The following PTPRO variants were observed in gnomAD, a reference collection of about 807,000 sequenced individuals.
PTPRO encodes the protein receptor-type tyrosine-protein phosphatase O.
Under a neutral mutation model 145.2 loss-of-function variants are expected in PTPRO, and 62 were observed. The observed-to-expected ratio is 0.43, with a 90% CI of 0.35 to 0.53. PTPRO has a LOEUF of 0.53. Ranked by LOEUF, PTPRO falls within the 20% of genes least tolerant of loss-of-function variation. The pLI, the probability that PTPRO is intolerant of heterozygous loss-of-function variation, is 0.01. For synonymous variants in PTPRO, 565 were observed against 514.7 expected (o/e 1.10, Z -1.32); for missense variants, 1,345 against 1,482.7 (o/e 0.91, Z 1.53).
intron 19 of PTPRO, among the ~76,000 whole-genome samples, chr12:15,570,322 G>GTTT (rs111336006): frequency 2.0e-4 from 29 of 146,238 alleles, no homozygotes; most frequent in African/African-American, 6.9e-4. Context: ...AAATTCTGTA[G>GTTT]TTTTTTTTTT....
At chr12:15,461,004 C>T (rs1801474163) in intron 1 of PTPRO, among the ~76,000 whole-genome samples, 1 of 152,144 alleles carries the variant, frequency 6.6e-6, no homozygotes, top group African/African-American at 2.4e-5. Context: ...ACTTGAGACA[C>T]CAGTTCTTGT....
intron 7 of PTPRO, among the ~76,000 whole-genome samples, chr12:15,513,177 G>GAA (rs1407695032): frequency 1.2e-5 from 1 of 84,732 alleles, no homozygotes; most frequent in African/African-American, 5.4e-5. Flanking sequence ...AAGAAAGAAA[G>GAA]AAAGAAAGAA....
At chr12:15,392,832 G>A (rs930903640) in intron 1 of PTPRO, among the ~76,000 whole-genome samples, 19 of 151,772 alleles carry the variant, frequency 1.3e-4, no homozygotes, top group Admixed American at 1.2e-3. Context: ...CATCCTGCTA[G>A]CACTGGGGTT....
At chr12:15,445,974 G>T (rs910998620) in intron 1 of PTPRO, among the ~76,000 whole-genome samples, 6 of 152,094 alleles carry the variant, frequency 3.9e-5, no homozygotes, top group Non-Finnish European at 7.4e-5. Context: ...TCATGAAATT[G>T]ACATTTGTAA....
At chr12:15,560,168 A>C (rs761349465) in intron 16 of PTPRO, 25 bp from the exon 17 acceptor site, 6 of 1,518,330 alleles carry the variant, frequency 4.0e-6, no homozygotes. Context: ...TCATCTTTCC[A>C]TCTGTTGTCT....
intron 1 of PTPRO, among the ~76,000 whole-genome samples, chr12:15,333,511 AT>A (rs1333114201): frequency 3.3e-5 from 5 of 152,218 alleles, no homozygotes; most frequent in Non-Finnish European, 7.3e-5. Context: ...TGAGTGTTGA[AT>A]AAATAAATGG....
intron 1 of PTPRO, among the ~76,000 whole-genome samples, chr12:15,364,580 G>T (rs538933875): frequency 6.6e-6 from 1 of 152,228 alleles, no homozygotes; most frequent in South Asian, 2.1e-4. Context: ...TAGTAAAGAT[G>T]TGCATTCCAC....
intron 23 of PTPRO, among the ~76,000 whole-genome samples, 159 bp from the exon 24 acceptor site, chr12:15,586,738 A>G (rs1014916397): frequency 6.6e-6 from 1 of 151,712 alleles, no homozygotes; most frequent in African/African-American, 2.4e-5. Flanking sequence ...TTCAATACCT[A>G]TTTTATGCCA....
chr12:15,556,880 C>T (rs1943641711), intron 15 of PTPRO, among the ~76,000 whole-genome samples: 1 of 151,992 alleles, frequency 6.6e-6, no homozygotes, highest in Non-Finnish European at 1.5e-5. Context: ...ATCATGAATG[C>T]CCTTTGGAAA....
At position 15,322,746 on chromosome 12, in the gene PTPRO, G is replaced by C; in HGVS notation, c.20G>C (p.Gly7Ala). Residue 7 changes from glycine (G) to alanine (A), a missense_variant, in exon 1 of 27, where the codon GGG (glycine) becomes GCG (alanine). Gly to Ala is a moderately conservative substitution (Grantham distance 60, BLOSUM62 0). Around this residue, in one of 3 missense-constraint regions of PTPRO, gnomAD observed 1,130 missense variants for 1,214.7 expected, o/e 0.93. Transcript: ENST00000281171. The surrounding 1 kb of genome is among the most constrained non-coding windows in gnomAD (Gnocchi z 6.3). MGHLPT[G>A]IHGARRLLPL... ...GCAGCGATGGGGCACCTGCCCACGGGGATACACGGCGCCCGCCGCCTCCTG... is the reference window on the plus strand; with the variant it reads ...GCAGCGATGGGGCACCTGCCCACGGCGATACACGGCGCCCGCCGCCTCCTG... The C allele has an allele frequency of 6.2e-7, 1 of 1,612,234 alleles. No homozygotes were observed. The highest frequency in any genetic ancestry group is 8.5e-7 in the Non-Finnish European group (1 of 1,179,400).
At chr12:15,423,593 T>G (rs757927046) in intron 1 of PTPRO, among the ~76,000 whole-genome samples, 48 of 152,204 alleles carry the variant, frequency 3.2e-4, no homozygotes, top group Non-Finnish European at 5.7e-4. Context: ...TACTAATTAC[T>G]TAAGCTTTAA....
intron 18 of PTPRO, among the ~76,000 whole-genome samples, chr12:15,567,107 A>G (rs1943919096): frequency 6.6e-6 from 1 of 152,190 alleles, no homozygotes; most frequent in African/African-American, 2.4e-5. Flanking sequence ...CAAGACCCAG[A>G]CAAAAGATAG....
chr12:15,516,748 C>CTA lies in PTPRO; in HGVS notation c.1586-15_1586-14insTA. The CTA allele has an allele frequency of 1.3e-6, 2 of 1,584,970 alleles. No homozygotes were observed. The highest frequency in any genetic ancestry group is 1.7e-6 in the Non-Finnish European group (2 of 1,153,600). ...CTTAACTTTCTTTTTCTACCCCCTG[C>CTA]CCTCTTCTTTCTAGTTCCCACAGGA... On this transcript the variant is annotated splice_polypyrimidine_tract_variant and intron_variant, in intron 8 of 26. Transcript: ENST00000281171.
chr12:15,372,614 C>G (rs900315199), intron 1 of PTPRO, among the ~76,000 whole-genome samples: 3 of 152,102 alleles, frequency 2.0e-5, no homozygotes, highest in African/African-American at 7.2e-5. Context: ...GATTGGAATG[C>G]AGCCAAAACA....
At chr12:15,377,255 C>T (rs1225941012) in intron 1 of PTPRO, among the ~76,000 whole-genome samples, 1 of 151,760 alleles carries the variant, frequency 6.6e-6, no homozygotes, top group East Asian at 1.9e-4. Context: ...CTACTGAATA[C>T]AAAAGAGAGT....
chr12:15,434,755 A>G (rs1195298106), intron 1 of PTPRO, among the ~76,000 whole-genome samples: 1 of 152,180 alleles, frequency 6.6e-6, no homozygotes. Flanking sequence ...AATTTAAAAG[A>G]GCTGTTGAAT....
At position 15,322,743 on chromosome 12, in the gene PTPRO, C is replaced by T. The variant is rs1279547751; in HGVS notation, c.17C>T (p.Thr6Met). MGHLPTGIHGARRLLP... is the reference protein window; with the variant it reads MGHLPMGIHGARRLLP... Reference sequence around the variant, plus strand: ...CGCGCAGCGATGGGGCACCTGCCCACGGGGATACACGGCGCCCGCCGCCTC... The same window carrying T: ...CGCGCAGCGATGGGGCACCTGCCCATGGGGATACACGGCGCCCGCCGCCTC... The change falls in exon 1 of 27, where the codon ACG (threonine) becomes ATG (methionine). Residue 6 changes from threonine (T) to methionine (M), a missense_variant. Transcript: ENST00000281171. This position sits in a 1 kb window ranked among gnomAD's most constrained non-coding sequence, Gnocchi z 6.3. 1.9e-6 allele frequency: 3 copies of T among 1,611,428 alleles called. No individual in the cohort carries two copies. Among genetic ancestry groups the T allele is most frequent in the African/African-American group, 2.7e-5 (2 of 74,836 alleles).
rs145080043 is a variant in PTPRO, at chr12:15,414,533, G to A, written c.76-69441G>A. Among the ~76,000 whole-genome samples the A allele has an allele frequency of 6.6e-5, 10 of 152,178 alleles. No individual in the cohort carries two copies. The East Asian group carries it at 9.7e-4, about 15-fold the overall frequency. On this transcript the variant is annotated intron_variant, in intron 1 of 26. Transcript: ENST00000281171. ...ATAGAAGTTATTTTATTTTATCCTG[G>A]TAAATTGAGCACTTCTGTTTGTTTT... is the stretch of plus-strand genomic sequence containing the variant.
In PTPRO at chr12:15,382,172, A is replaced by ATATATATATATATT. The variant is rs1938881833; in HGVS notation, c.75+59376_75+59377insATATATATTTATAT. On this transcript the variant is annotated intron_variant, in intron 1 of 26. Transcript: ENST00000281171. The stretch of plus-strand genomic sequence containing the variant: ...CAAAAAGTGAGAAATATATATATAT[A>ATATATATATATATT]TATATTTATATTTATATATATGGGA... Among the ~76,000 whole-genome samples, 7 of 148,632 alleles carry ATATATATATATATT rather than the reference A, an allele frequency of 4.7e-5. No homozygotes were observed. The South Asian group carries it at 1.5e-3, about 31-fold the overall frequency.
Sources: allele counts gnomAD v4.1 joint callset (sites outside exome capture counted in the v4.1 genomes callset), GRCh38; gene constraint gnomAD v4.1.1; regional missense constraint gnomAD v4.1.1; non-coding constraint Gnocchi (gnomAD v3.1); transcripts MANE v1.5; gene names NCBI Gene and HGNC (gene_info 2026-07-23, HGNC 2026-07-21).